The following CAMTA1 variants were observed in gnomAD, a reference collection of about 807,000 sequenced individuals.
The protein encoded by CAMTA1 is calmodulin-binding transcription activator 1.
A neutral mutation model predicts 170.9 loss-of-function variants in CAMTA1; 27 were observed. The observed-to-expected ratio is 0.16, with a 90% CI of 0.12 to 0.22. The LOEUF is 0.22. Among genes scored for constraint, CAMTA1 ranks in the 10% least tolerant of loss-of-function variants. The pLI, the probability that CAMTA1 is intolerant of heterozygous loss-of-function variation, is 1.00. For synonymous variants in CAMTA1, 833 were observed against 891.5 expected, an observed-to-expected ratio of 0.93 and a Z score of 1.17; for missense variants, 1,619 against 2,217.2, an observed-to-expected ratio of 0.73 and a Z score of 5.42.
intron 5 of CAMTA1, among the ~76,000 whole-genome samples, chr1:7,295,784 A>C (rs1384594711): frequency 6.6e-6 from 1 of 152,230 alleles, no homozygotes; most frequent in African/African-American, 2.4e-5. Flanking sequence ...AGAGGTGATC[A>C]GTGCCACAGA....
intron 5 of CAMTA1, among the ~76,000 whole-genome samples, chr1:7,422,304 G>A (rs916595198): frequency 8.5e-5 from 13 of 152,134 alleles, no homozygotes; most frequent in African/African-American, 2.9e-4. Context: ...AGGAAAGGCC[G>A]GGGGCTTCCA....
At chr1:6,891,797 T>C (rs1376945768) in intron 3 of CAMTA1, among the ~76,000 whole-genome samples, 1 of 151,518 alleles carries the variant, frequency 6.6e-6, no homozygotes, top group Admixed American at 6.6e-5. Flanking sequence ...ATGAAAAAAA[T>C]AGTAGCAGCT....
At chr1:7,280,026 G>A (rs972585824) in intron 5 of CAMTA1, among the ~76,000 whole-genome samples, 2 of 152,154 alleles carry the variant, frequency 1.3e-5, no homozygotes, top group African/African-American at 4.8e-5. Flanking sequence ...GCTCGTTGCT[G>A]GTAGAACTTG....
intron 7 of CAMTA1, among the ~76,000 whole-genome samples, chr1:7,655,239 TACAC>T (rs556661237): frequency 1.7e-5 from 2 of 120,232 alleles, no homozygotes; most frequent in Admixed American, 8.6e-5. Context: ...CACACACCTA[TACAC>T]ACACACCTAT....
intron 3 of CAMTA1, among the ~76,000 whole-genome samples, chr1:6,860,964 C>CT (rs1247559136): frequency 0.14 from 17,270 of 127,836 alleles, 1,520 homozygotes; most frequent in Admixed American, 0.28. Context: ...GTGTGACTTA[C>CT]TTTTTTTTTT....
chr1:7,279,575 T>C (rs1238707711), intron 5 of CAMTA1, among the ~76,000 whole-genome samples: 1 of 152,198 alleles, frequency 6.6e-6, no homozygotes, highest in Non-Finnish European at 1.5e-5. Flanking sequence ...TGCATGGCTC[T>C]GAGCATTGTC....
chr1:7,621,311 C>T (rs1299430564), intron 6 of CAMTA1, among the ~76,000 whole-genome samples: 1 of 152,226 alleles, frequency 6.6e-6, no homozygotes, highest in African/African-American at 2.4e-5. Flanking sequence ...TTTTATTTCA[C>T]AGTGACAGGC....
intron 3 of CAMTA1, among the ~76,000 whole-genome samples, chr1:6,972,406 T>C (rs1352821486): frequency 6.6e-6 from 1 of 152,222 alleles, no homozygotes; most frequent in Non-Finnish European, 1.5e-5. Flanking sequence ...ACTGTTTGAA[T>C]TTTTACTTCT....
chr1:7,323,401 A>G (rs1678753610), intron 5 of CAMTA1, among the ~76,000 whole-genome samples: 3 of 150,312 alleles, frequency 2.0e-5, no homozygotes. Flanking sequence ...CTCCGAGTTT[A>G]CCTTCTCAGG....
intron 3 of CAMTA1, among the ~76,000 whole-genome samples, chr1:6,876,211 C>T (rs748664828): frequency 2.0e-5 from 3 of 151,658 alleles, no homozygotes; most frequent in Non-Finnish European, 4.4e-5. Context: ...TCTTCTCCTT[C>T]GTAGTTCCCT....
intron 5 of CAMTA1, among the ~76,000 whole-genome samples, chr1:7,464,289 G>A (rs771069168): frequency 1.3e-5 from 2 of 152,182 alleles, no homozygotes; most frequent in South Asian, 4.1e-4. Context: ...CCCGGAATGT[G>A]GCTCCCTGCA....
intron 3 of CAMTA1, among the ~76,000 whole-genome samples, chr1:6,928,298 A>T (rs1285897412): frequency 6.6e-6 from 1 of 152,170 alleles, no homozygotes; most frequent in African/African-American, 2.4e-5. Flanking sequence ...CCTCTGCCTG[A>T]AGTACTGAAA....
At chr1:7,737,197 G>C in intron 14 of CAMTA1, 58 bp from the exon 15 acceptor site, 2 of 1,554,116 alleles carry the variant, frequency 1.3e-6, no homozygotes, top group South Asian at 1.2e-5. Flanking sequence ...AATGGCAAAA[G>C]TCAGGTCTGG....
At chr1:6,878,359 C>T (rs1009056360) in intron 3 of CAMTA1, among the ~76,000 whole-genome samples, 1 of 152,194 alleles carries the variant, frequency 6.6e-6, no homozygotes, top group African/African-American at 2.4e-5. Flanking sequence ...CAGCCCAGCT[C>T]GTAGATCACA....
At chr1:7,418,798 A>C (rs1026285457) in intron 5 of CAMTA1, among the ~76,000 whole-genome samples, 1 of 152,160 alleles carries the variant, frequency 6.6e-6, no homozygotes, top group African/African-American at 2.4e-5. Context: ...AGCATCCTGG[A>C]CGCTGCTCTC....
rs1026808452 is a variant in CAMTA1 at position 7,592,044 on chromosome 1, G to A, written c.511-48356G>A. Among the ~76,000 whole-genome samples, 70 of 152,252 alleles carry A rather than the reference G, an allele frequency of 4.6e-4. No individual in the cohort carries two copies. The highest frequency in any genetic ancestry group is 1.6e-3 in the African/African-American group (67 of 41,548). On this transcript the variant is annotated intron_variant, in intron 6 of 22. Coordinates refer to ENST00000303635, the MANE Select transcript of CAMTA1 (RefSeq NM_015215.4). This position sits in a 1 kb window ranked among gnomAD's most constrained non-coding sequence, Gnocchi z 4.6. ...CTCCTAAGTAGCTGGGATTACAGGT[G>A]CATGCCACCATACCTAGCTAATTTT... is the stretch of plus-strand genomic sequence containing the variant.
At chr1:7,193,281 G>T (rs958930050) in intron 4 of CAMTA1, among the ~76,000 whole-genome samples, 2 of 151,522 alleles carry the variant, frequency 1.3e-5, no homozygotes, top group Non-Finnish European at 2.9e-5. Flanking sequence ...TGAACCAGGA[G>T]TTGGAGGCTG....
rs377389212 is a variant in CAMTA1 at position 7,663,016 on chromosome 1, G to C, written c.806-337G>C. Among the ~76,000 whole-genome samples the C allele has an allele frequency of 1.1e-4, 16 of 152,318 alleles. No individual in the cohort carries two copies. The South Asian group carries it at 3.3e-3, about 32-fold the overall frequency. ...AGATGAGTGGTATCTGTCTCTGATG[G>C]CGGAGGGGACTTTCCTGGGTGTTGA... On this transcript the variant is annotated intron_variant, in intron 8 of 22. Transcript: ENST00000303635.
intron 5 of CAMTA1, among the ~76,000 whole-genome samples, chr1:7,361,239 C>A (rs1483561167): frequency 6.6e-6 from 1 of 152,220 alleles, no homozygotes; most frequent in African/African-American, 2.4e-5. Flanking sequence ...TCTCTCTGAA[C>A]ATTCATTGAG....
Sources: gnomAD v4.1 joint callset for allele counts (sites outside exome capture counted in the v4.1 genomes callset) on GRCh38, gnomAD v4.1.1 for gene constraint, Gnocchi (gnomAD v3.1) non-coding constraint, MANE v1.5 for transcripts, NCBI Gene and HGNC (gene_info 2026-07-23, HGNC 2026-07-21) for gene names.